The following ZNF587 variants were observed in gnomAD, a reference collection of about 807,000 sequenced individuals.
The protein encoded by ZNF587 is zinc finger protein zfp6.
Under a neutral mutation model 7.5 loss-of-function variants are expected in ZNF587, and 8 were observed. That is an observed-to-expected ratio of 1.06 (90% CI 0.62 to 1.92). The LOEUF (loss-of-function observed/expected upper bound fraction) is 1.92. Among genes scored for constraint, ZNF587 ranks in the 40% most tolerant of loss-of-function variants. ZNF587 has a pLI of 0.00. For missense variants in ZNF587, 468 were observed against 692.8 expected, an observed-to-expected ratio of 0.68 and a Z score of 3.64; for synonymous variants, 145 against 237.8, an observed-to-expected ratio of 0.61 and a Z score of 3.59.
intron 1 of ZNF587, 88 bp downstream of exon 1, chr19:57,850,159 T>G: frequency 2.5e-6 from 4 of 1,611,758 alleles, no homozygotes; most frequent in Non-Finnish European, 3.4e-6. Flanking sequence ...CTCGTGGGTC[T>G]GTAGCCGGTA....
rs2071476403 is a variant in ZNF587 at position 57,864,160 on chromosome 19, G to C, written c.*4020G>C. ...TTTTTTTTTTTTTTTTTGAGACAGA[G>C]TCTCACTCTGTCACCCAGGCTGAAG... On this transcript the variant is annotated 3_prime_UTR_variant, in exon 3 of 3. Transcript: ENST00000339656. The C allele has an allele frequency of 8.7e-6, 1 of 114,322 alleles. No homozygotes were observed. The highest frequency in any genetic ancestry group is 1.7e-5 in the Non-Finnish European group (1 of 60,054). 7.1% of individuals were successfully genotyped at this position (114,322 alleles called of 1,614,324 possible).
At chr19:57,855,498 A>G (rs1365970974) in intron 1 of ZNF587, among the ~76,000 whole-genome samples, 1 of 151,918 alleles carries the variant, frequency 6.6e-6, no homozygotes, top group Non-Finnish European at 1.5e-5. Flanking sequence ...TGATGGACTC[A>G]GGCAGCTGCC....
intron 1 of ZNF587, 199 bp downstream of exon 1, chr19:57,850,270 C>T: frequency 1.2e-6 from 1 of 836,200 alleles, no homozygotes; most frequent in South Asian, 1.7e-5. Flanking sequence ...TTTATGAAGA[C>T]TGGGGAATTG....
In ZNF587 at chr19:57,861,251, C is replaced by G. The variant is rs1911456685; in HGVS notation, c.*1111C>G. On this transcript the variant is annotated 3_prime_UTR_variant, in exon 3 of 3. Transcript: ENST00000339656. The stretch of plus-strand genomic sequence containing the variant: ...TCCAAGAATTTCTGTTCTATCTTAC[C>G]AAGAGGGAGTATGGTTAGTATTTGA... The G allele has an allele frequency of 6.6e-6, 1 of 152,054 alleles. No homozygotes were observed. The highest frequency in any genetic ancestry group is 6.5e-5 in the Admixed American group (1 of 15,276). 9.4% of individuals were successfully genotyped at this position (152,054 alleles called of 1,614,324 possible). A position where few individuals can be genotyped will look rare whatever the true frequency, so the allele number is the denominator to read the frequency against.
rs1416034177 is a variant in ZNF587 at position 57,864,537 on chromosome 19, T to C, written c.*4397T>C. On this transcript the variant is annotated 3_prime_UTR_variant, in exon 3 of 3. Transcript: ENST00000339656. ...TTACAAATAGCAAGGTACAGTCAGA[T>C]GTTAACAGTCTCAGCCCCTAAATGT... 2.0e-5 allele frequency: 3 copies of C among 152,076 alleles called. No homozygotes were observed. The highest frequency in any genetic ancestry group is 7.2e-5 in the African/African-American group (3 of 41,414). The allele number at this position is 152,076 out of a possible 1,614,324, so 9.4% of individuals were successfully genotyped here.
rs906914370 is a variant in ZNF587 at position 57,864,868 on chromosome 19, A to T, written c.*4728A>T. On this transcript the variant is annotated 3_prime_UTR_variant, in exon 3 of 3. Transcript: ENST00000339656. Reference sequence around the variant, plus strand: ...AGCCTTCCTGGAAAATGGAGGTTGCAATCAGCCGAGATGGTGCCATCGCAC... The same window carrying T: ...AGCCTTCCTGGAAAATGGAGGTTGCTATCAGCCGAGATGGTGCCATCGCAC... 6.6e-6 allele frequency: 1 copy of T among 152,186 alleles called. No homozygotes were observed. The highest frequency in any genetic ancestry group is 6.5e-5 in the Admixed American group (1 of 15,272). 9.4% of individuals were successfully genotyped at this position (152,186 alleles called of 1,614,324 possible). A position where few individuals can be genotyped will look rare whatever the true frequency, so the allele number is the denominator to read the frequency against.
chr19:57,860,219 T>G lies in ZNF587; in HGVS notation c.*79T>G. ...GGAGAGTTCATACTGGAGAAAGGCC[T>G]TATGAGTGCTGTCAATGTGGAAAAC... On this transcript the variant is annotated 3_prime_UTR_variant, in exon 3 of 3. Coordinates refer to ENST00000339656, the MANE Select transcript of ZNF587 (RefSeq NM_032828.4). 1 of 1,608,114 alleles carries G rather than the reference T, an allele frequency of 6.2e-7. No individual in the cohort carries two copies. The highest frequency in any genetic ancestry group is 8.5e-7 in the Non-Finnish European group (1 of 1,176,068).
At position 57,855,850 on chromosome 19, in the gene ZNF587, C is replaced by T. The variant is rs376230814; in HGVS notation, c.34-254C>T. ...TGCTGGGATTACAGGCGTGAGCCAC[C>T]GCACCCAGCCCAGAAGGGAGTGGAC... On this transcript the variant is annotated intron_variant, in intron 1 of 2. Transcript: ENST00000339656. The T allele has an allele frequency of 1.8e-3, 864 of 490,532 alleles. 28 individuals carry two copies. The South Asian group carries it at 0.021, about 12-fold the overall frequency. 30.4% of individuals were successfully genotyped at this position (490,532 alleles called of 1,614,324 possible). A position where few individuals can be genotyped will look rare whatever the true frequency, so the allele number is the denominator to read the frequency against.
Position 57,860,675 on chromosome 19 carries a change from G to C in ZNF587, c.*535G>C, listed in dbSNP as rs1045339324. The C allele has an allele frequency of 6.3e-6, 1 of 159,714 alleles. No individual in the cohort carries two copies. Among genetic ancestry groups the C allele is most frequent in the Admixed American group, 5.9e-5 (1 of 16,892 alleles). 9.9% of individuals were successfully genotyped at this position (159,714 alleles called of 1,614,324 possible). A position where few individuals can be genotyped will look rare whatever the true frequency, so the allele number is the denominator to read the frequency against. On this transcript the variant is annotated 3_prime_UTR_variant, in exon 3 of 3. Coordinates refer to ENST00000339656, the MANE Select transcript of ZNF587 (RefSeq NM_032828.4). ...GACAAGGTGGTTCATTGGAGGCCAG[G>C]AGTTAGAGATCAGCCTGGGCAACAT...
intron 1 of ZNF587, among the ~76,000 whole-genome samples, chr19:57,855,640 C>G (rs1297347724): frequency 1.3e-5 from 2 of 149,922 alleles, no homozygotes; most frequent in Non-Finnish European, 3.0e-5. Context: ...CGGCTCACTA[C>G]AAACCCCGCC....
At position 57,852,713 on chromosome 19, in the gene ZNF587, A is replaced by G. The variant is rs370515909; in HGVS notation, c.33+2642A>G. Among the ~76,000 whole-genome samples, 6 of 151,890 alleles carry G rather than the reference A, an allele frequency of 4.0e-5. No homozygotes were observed. The East Asian group carries it at 1.2e-3, about 29-fold the overall frequency. ...CAGCTAATTTTTGTATTTTTAGTAG[A>G]GACGAGGTTTTACCATGTTGGCCAG... On this transcript the variant is annotated intron_variant, in intron 1 of 2. Transcript: ENST00000339656.
Position 57,860,911 on chromosome 19 carries a change from T to TA in ZNF587, c.*772dup, listed in dbSNP as rs1473274809. ...CTCACTCTGTCACCCAGGCGGGAGT[T>TA]AGGTGGCATGATTTCGGCTCACTGC... On this transcript the variant is annotated 3_prime_UTR_variant, in exon 3 of 3. Transcript: ENST00000339656. 6.6e-6 allele frequency: 1 copy of TA among 151,992 alleles called. No individual in the cohort carries two copies. The highest frequency in any genetic ancestry group is 2.4e-5 in the African/African-American group (1 of 41,370). The allele number at this position is 151,992 out of a possible 1,614,324, so 9.4% of individuals were successfully genotyped here. A position where few individuals can be genotyped will look rare whatever the true frequency, so the allele number is the denominator to read the frequency against.
In ZNF587 at chr19:57,860,088, G is replaced by T; in HGVS notation, c.1676G>T (p.Arg559Leu). ...ECTKCGKTFQ[R>L]SSTLLHHQSS... ...ACCAAATGTGGAAAAACATTTCAGC[G>T]AAGCTCTACCCTCCTTCATCATCAG... The change falls in exon 3 of 3, where the codon CGA (arginine) becomes CTA (leucine). Residue 559 changes from arginine (R) to leucine (L), a missense_variant. Transcript: ENST00000339656. The T allele has an allele frequency of 6.2e-7, 1 of 1,613,902 alleles. No homozygotes were observed. The highest frequency in any genetic ancestry group is 8.5e-7 in the Non-Finnish European group (1 of 1,179,944).
chr19:57,851,129 G>A (rs1270867188), intron 1 of ZNF587: 2 of 152,088 alleles, frequency 1.3e-5, no homozygotes, highest in African/African-American at 2.4e-5. Context: ...GTCTCACACA[G>A]GGGAGACCAA....
Position 57,864,402 on chromosome 19 carries a change from G to T in ZNF587, c.*4262G>T, listed in dbSNP as rs998623925. The T allele has an allele frequency of 6.6e-6, 1 of 151,902 alleles. No individual in the cohort carries two copies. The highest frequency in any genetic ancestry group is 2.4e-5 in the African/African-American group (1 of 41,314). 9.4% of individuals were successfully genotyped at this position (151,902 alleles called of 1,614,324 possible). On this transcript the variant is annotated 3_prime_UTR_variant, in exon 3 of 3. Transcript: ENST00000339656. ...CCCCCTCGGCCTCCTAAAGTGCTGG[G>T]ATTACAGGCATCTGCCACCGCACTC... is the stretch of plus-strand genomic sequence containing the variant.
chr19:57,865,042 T>C lies in ZNF587; in HGVS notation c.*4902T>C, dbSNP rs1318665563. The C allele has an allele frequency of 2.0e-5, 3 of 152,256 alleles. No homozygotes were observed. Among genetic ancestry groups the C allele is most frequent in the South Asian group, 4.1e-4 (2 of 4,832 alleles). 9.4% of individuals were successfully genotyped at this position (152,256 alleles called of 1,614,324 possible). A position where few individuals can be genotyped will look rare whatever the true frequency, so the allele number is the denominator to read the frequency against. ...CTCTTGTCTTGAATTAATACAACTT[T>C]TGTTAATTCTCTTATGAAGTTAATC... On this transcript the variant is annotated 3_prime_UTR_variant, in exon 3 of 3. Coordinates refer to ENST00000339656, the MANE Select transcript of ZNF587 (RefSeq NM_032828.4).
rs1969753763 is a variant in ZNF587, at chr19:57,862,185, T to G, written c.*2045T>G. The G allele has an allele frequency of 6.6e-6, 1 of 152,226 alleles. No individual in the cohort carries two copies. Among genetic ancestry groups the G allele is most frequent in the African/African-American group, 2.4e-5 (1 of 41,466 alleles). The allele number at this position is 152,226 out of a possible 1,614,324, so 9.4% of individuals were successfully genotyped here. On this transcript the variant is annotated 3_prime_UTR_variant, in exon 3 of 3. Coordinates refer to ENST00000339656, the MANE Select transcript of ZNF587 (RefSeq NM_032828.4). ...ATAGATTGCCAGGCAGTGAAACAGT[T>G]AAGATGCCACCATAGCTTTCTTTTC...
intron 1 of ZNF587, among the ~76,000 whole-genome samples, chr19:57,855,325 G>A (rs1600120981): frequency 6.6e-6 from 1 of 152,070 alleles, no homozygotes; most frequent in Admixed American, 6.6e-5. Context: ...AGCCTGGGTG[G>A]CAGAGCTAGA....
At position 57,862,241 on chromosome 19, in the gene ZNF587, T is replaced by A. The variant is rs1469860544; in HGVS notation, c.*2101T>A. 6.6e-6 allele frequency: 1 copy of A among 151,852 alleles called. No homozygotes were observed. The highest frequency in any genetic ancestry group is 6.6e-5 in the Admixed American group (1 of 15,258). 9.4% of individuals were successfully genotyped at this position (151,852 alleles called of 1,614,324 possible). A position where few individuals can be genotyped will look rare whatever the true frequency, so the allele number is the denominator to read the frequency against. ...CTTTCTAAGATTACCTTACTATTTCTTTTGTTCCAAGTTTGTACTTCCTCA... is the reference window on the plus strand; with the variant it reads ...CTTTCTAAGATTACCTTACTATTTCATTTGTTCCAAGTTTGTACTTCCTCA... On this transcript the variant is annotated 3_prime_UTR_variant, in exon 3 of 3. Transcript: ENST00000339656.
Sources: gnomAD v4.1 joint callset for allele counts (sites outside exome capture counted in the v4.1 genomes callset) on GRCh38, gnomAD v4.1.1 for gene constraint, MANE v1.5 for transcripts, NCBI Gene and HGNC (gene_info 2026-07-23, HGNC 2026-07-21) for gene names.